The following GPC6 variants were observed in gnomAD, a reference collection of about 807,000 sequenced individuals.
GPC6 encodes glypican 6.
Under a neutral mutation model 55.2 loss-of-function variants are expected in GPC6, and 14 were observed. The ratio of observed to expected loss-of-function variants is 0.25; its 90% CI spans 0.17 to 0.40. The LOEUF (loss-of-function observed/expected upper bound fraction) is 0.40. Among genes scored for constraint, GPC6 ranks in the 10% least tolerant of loss-of-function variants. The pLI is 1.00. For synonymous variants in GPC6, 278 were observed against 259.6 expected, an observed-to-expected ratio of 1.07 and a Z score of -0.68; for missense variants, 641 against 708.5, an observed-to-expected ratio of 0.90 and a Z score of 1.08.
chr13:93,687,386 T>C (rs1882088561), intron 2 of GPC6, among the ~76,000 whole-genome samples: 1 of 152,082 alleles, frequency 6.6e-6, no homozygotes, highest in Non-Finnish European at 1.5e-5. Flanking sequence ...TTTGTTGAAG[T>C]AAGCCAATTT....
chr13:94,137,586 A>G (rs959761070), intron 4 of GPC6, among the ~76,000 whole-genome samples: 2 of 152,200 alleles, frequency 1.3e-5, no homozygotes, highest in Non-Finnish European at 2.9e-5. Context: ...GTTGTTAACA[A>G]TTATAAACAT....
intron 3 of GPC6, among the ~76,000 whole-genome samples, chr13:93,932,131 G>A (rs575764444): frequency 7.2e-5 from 11 of 152,230 alleles, no homozygotes; most frequent in Admixed American, 3.9e-4. Context: ...ATTGTCTGGC[G>A]AACAGGACAC....
intron 1 of GPC6, among the ~76,000 whole-genome samples, chr13:93,417,939 C>G (rs1314863619): frequency 6.6e-6 from 1 of 152,014 alleles, no homozygotes; most frequent in African/African-American, 2.4e-5. Flanking sequence ...GTCAACGATT[C>G]ACTTCTACCT....
intron 1 of GPC6, among the ~76,000 whole-genome samples, chr13:93,350,087 C>A (rs1421441467): frequency 6.6e-6 from 1 of 152,092 alleles, no homozygotes; most frequent in Non-Finnish European, 1.5e-5. Context: ...AGGCTGATCC[C>A]AGGGAAGTAA....
At chr13:93,487,951 T>C (rs1194081284) in intron 1 of GPC6, among the ~76,000 whole-genome samples, 3 of 152,140 alleles carry the variant, frequency 2.0e-5, no homozygotes, top group African/African-American at 7.2e-5. Context: ...CTATAACATA[T>C]ATATTATTTA....
intron 2 of GPC6, among the ~76,000 whole-genome samples, chr13:93,692,890 CTT>C (rs1327541077): frequency 6.6e-6 from 1 of 152,064 alleles, no homozygotes. Flanking sequence ...CTATCATTTA[CTT>C]TTACTTAAAA....
At chr13:93,833,473 GT>G (rs1191854903) in intron 3 of GPC6, among the ~76,000 whole-genome samples, 3 of 152,184 alleles carry the variant, frequency 2.0e-5, no homozygotes, top group Non-Finnish European at 4.4e-5. Flanking sequence ...GTGATTTAGA[GT>G]TGGAGAAATG....
chr13:93,802,779 CT>C (rs1886419087), intron 2 of GPC6, among the ~76,000 whole-genome samples: 3 of 152,010 alleles, frequency 2.0e-5, no homozygotes, highest in Non-Finnish European at 4.4e-5. Flanking sequence ...GTAATATGAC[CT>C]ATGAAAAATA....
intron 1 of GPC6, among the ~76,000 whole-genome samples, chr13:93,388,343 G>C (rs148283642): frequency 6.6e-6 from 1 of 152,280 alleles, no homozygotes; most frequent in Admixed American, 6.5e-5. Context: ...CTGGGTCTCA[G>C]TGTGCCTGGC....
At chr13:94,033,113 G>A (rs1883201945) in intron 4 of GPC6, among the ~76,000 whole-genome samples, 1 of 152,162 alleles carries the variant, frequency 6.6e-6, no homozygotes, top group African/African-American at 2.4e-5. Context: ...AGAAATGGAA[G>A]GGAATATTCT....
chr13:93,929,685 T>C (rs1015325330), intron 3 of GPC6, among the ~76,000 whole-genome samples: 1 of 151,940 alleles, frequency 6.6e-6, no homozygotes, highest in Admixed American at 6.6e-5. Flanking sequence ...CCCATAGAAA[T>C]ATAATGTAGG....
chr13:93,509,868 A>G (rs569058615), intron 1 of GPC6, among the ~76,000 whole-genome samples: 7 of 152,290 alleles, frequency 4.6e-5, no homozygotes, highest in Admixed American at 3.9e-4. Flanking sequence ...GTTTTGCATA[A>G]TAGTTAGGAC....
chr13:93,734,259 T>A (rs1883922963), intron 2 of GPC6, among the ~76,000 whole-genome samples: 1 of 152,178 alleles, frequency 6.6e-6, no homozygotes, highest in Non-Finnish European at 1.5e-5. Flanking sequence ...CGCTTTGAAT[T>A]TGTACTACTT....
intron 1 of GPC6, among the ~76,000 whole-genome samples, chr13:93,476,471 A>G (rs898304040): frequency 6.6e-6 from 1 of 152,174 alleles, no homozygotes; most frequent in African/African-American, 2.4e-5. Context: ...TCAAATAACA[A>G]TCCAACTGCG....
intron 2 of GPC6, among the ~76,000 whole-genome samples, chr13:93,609,198 A>G (rs969201843): frequency 1.3e-5 from 2 of 152,050 alleles, no homozygotes; most frequent in Admixed American, 6.6e-5. Context: ...TTCTTTCTTC[A>G]TCTCTAACCT....
intron 1 of GPC6, among the ~76,000 whole-genome samples, chr13:93,263,164 C>A (rs927614518): frequency 5.3e-5 from 8 of 152,050 alleles, no homozygotes; most frequent in Non-Finnish European, 1.0e-4. Flanking sequence ...ATAATGAAGT[C>A]TTAGGGGAAA....
rs990220767 is a variant in GPC6 at position 93,320,362 on chromosome 13, A to T, written c.160+92746A>T. Among the ~76,000 whole-genome samples the T allele has an allele frequency of 4.0e-5, 6 of 151,886 alleles. No individual in the cohort carries two copies. In the East Asian group the frequency reaches 7.7e-4, roughly 20 times the overall value. On this transcript the variant is annotated intron_variant, in intron 1 of 8. Transcript: ENST00000377047. Reference sequence around the variant, plus strand: ...TAAAGTGATTCCCTTATATATATAAATTTTTTAAATGTTTAGCTATTTATT... The same window carrying T: ...TAAAGTGATTCCCTTATATATATAATTTTTTTAAATGTTTAGCTATTTATT...
intron 7 of GPC6, among the ~76,000 whole-genome samples, chr13:94,397,682 A>G (rs1245030544): frequency 6.6e-6 from 1 of 152,176 alleles, no homozygotes; most frequent in Non-Finnish European, 1.5e-5. Context: ...ACTCTCTTGA[A>G]TCATATGTAA....
At chr13:93,498,112 TG>T (rs1474547210) in intron 1 of GPC6, among the ~76,000 whole-genome samples, 1 of 152,240 alleles carries the variant, frequency 6.6e-6, no homozygotes, top group Admixed American at 6.5e-5. Flanking sequence ...TACCATAAGC[TG>T]GCTGCCATGT....
Sources: gnomAD v4.1 joint callset for allele counts (sites outside exome capture counted in the v4.1 genomes callset) on GRCh38, gnomAD v4.1.1 for gene constraint, MANE v1.5 for transcripts, NCBI Gene and HGNC (gene_info 2026-07-23, HGNC 2026-07-21) for gene names.